CACNA2D3: variants seen among roughly 807,000 people sequenced by gnomAD.
The protein encoded by CACNA2D3 is voltage-dependent calcium channel subunit alpha-2/delta-3.
CACNA2D3 carries 60 observed loss-of-function variants against 160.6 expected under a neutral mutation model. The observed-to-expected ratio is 0.37, with a 90% CI of 0.30 to 0.46. The LOEUF (loss-of-function observed/expected upper bound fraction) is 0.46. Among genes scored for constraint, CACNA2D3 ranks in the 20% least tolerant of loss-of-function variants. The probability of loss-of-function intolerance (pLI) is 1.00; values close to 1 mark genes in which losing one functional copy is unlikely to be tolerated. For synonymous variants in CACNA2D3, 558 were observed against 492.9 expected (o/e 1.13, Z -1.75); for missense variants, 1,205 against 1,365.0 (o/e 0.88, Z 1.85).
In CACNA2D3 at chr3:54,319,140, G is replaced by T. The variant is rs535013169; in HGVS notation, c.205-1302G>T. On this transcript the variant is annotated intron_variant, in intron 2 of 37. Coordinates refer to ENST00000474759, the MANE Select transcript of CACNA2D3 (RefSeq NM_018398.3). ...TTGGACATTTGAGCATTTGAACAAG[G>T]AAGGGAAGCATTTTGTGACACACAC... 4.2e-5 allele frequency among the ~76,000 whole-genome samples: 6 copies of T among 143,512 alleles called. No homozygotes were observed. The South Asian group carries it at 1.3e-3, about 32-fold the overall frequency. The allele number at this position is 143,512 out of a possible 152,430, so 94.1% of individuals were successfully genotyped here. A position where few individuals can be genotyped will look rare whatever the true frequency, so the allele number is the denominator to read the frequency against.
intron 3 of CACNA2D3, among the ~76,000 whole-genome samples, chr3:54,354,997 T>A (rs1357526815): frequency 6.6e-6 from 1 of 152,270 alleles, no homozygotes; most frequent in Admixed American, 6.5e-5. Context: ...TCTGTCCTGT[T>A]TATACATCTG....
At chr3:54,609,278 C>T (rs551801035) in intron 9 of CACNA2D3, among the ~76,000 whole-genome samples, 12 of 152,102 alleles carry the variant, frequency 7.9e-5, no homozygotes, top group Non-Finnish European at 1.5e-4. Context: ...CCAAAACTGC[C>T]GACACCTTCA....
intron 11 of CACNA2D3, among the ~76,000 whole-genome samples, chr3:54,738,140 C>T (rs1478763869): frequency 1.3e-5 from 2 of 152,144 alleles, no homozygotes; most frequent in Admixed American, 6.5e-5. Flanking sequence ...AAGAAGGTTC[C>T]AAATAAGTCA....
chr3:54,348,509 C>G (rs1159605105), intron 3 of CACNA2D3, among the ~76,000 whole-genome samples: 1 of 152,202 alleles, frequency 6.6e-6, no homozygotes, highest in African/African-American at 2.4e-5. Context: ...ATACTATGAA[C>G]TCAGCAGAGA....
At chr3:54,256,043 G>A (rs1358994796) in intron 2 of CACNA2D3, among the ~76,000 whole-genome samples, 4 of 152,220 alleles carry the variant, frequency 2.6e-5, no homozygotes, top group Non-Finnish European at 2.9e-5. Context: ...TAAATTTAGG[G>A]ACAAAAAATA....
Position 54,822,790 on chromosome 3 carries a change from C to CTTTCTTT in CACNA2D3, c.1398+5920_1398+5921insTTTCTTT, listed in dbSNP as rs1491160047. On this transcript the variant is annotated intron_variant, in intron 14 of 37. Coordinates refer to ENST00000474759, the MANE Select transcript of CACNA2D3 (RefSeq NM_018398.3). The stretch of plus-strand genomic sequence containing the variant: ...TCTTTCTTTCTTTCTTTCTTTCTTT[C>CTTTCTTT]CTTTCTTTCTTTCTTTCTTTCTTTC... Among the ~76,000 whole-genome samples the CTTTCTTT allele has an allele frequency of 2.3e-3, 168 of 71,878 alleles. 2 individuals are homozygous for CTTTCTTT. Among genetic ancestry groups the CTTTCTTT allele is most frequent in the East Asian group, 4.2e-3 (9 of 2,154 alleles). The allele number at this position is 71,878 out of a possible 152,430, so 47.2% of individuals were successfully genotyped here.
chr3:54,884,797 A>G (rs1001757718), intron 21 of CACNA2D3, among the ~76,000 whole-genome samples: 1 of 152,206 alleles, frequency 6.6e-6, no homozygotes, highest in African/African-American at 2.4e-5. Context: ...TGTTCAACCT[A>G]TGATTTCACC....
intron 8 of CACNA2D3, among the ~76,000 whole-genome samples, chr3:54,580,400 T>C (rs945291391): frequency 6.6e-6 from 1 of 152,034 alleles, no homozygotes; most frequent in African/African-American, 2.4e-5. Context: ...TCCAGAGGGA[T>C]TTCCCAAACT....
chr3:54,642,581 T>C (rs574374195), intron 11 of CACNA2D3, among the ~76,000 whole-genome samples: 4 of 152,182 alleles, frequency 2.6e-5, no homozygotes, highest in Non-Finnish European at 4.4e-5. Context: ...ATCTATACAA[T>C]GGTGAAATCA....
chr3:54,627,609 G>A (rs1250131747), intron 9 of CACNA2D3, among the ~76,000 whole-genome samples, 178 bp from the exon 10 acceptor site: 1 of 152,200 alleles, frequency 6.6e-6, no homozygotes, highest in African/African-American at 2.4e-5. Context: ...CATGAATATT[G>A]AAGGTAAGTT....
intron 2 of CACNA2D3, among the ~76,000 whole-genome samples, chr3:54,126,862 T>C (rs1476572552): frequency 1.3e-5 from 2 of 152,224 alleles, no homozygotes; most frequent in African/African-American, 4.8e-5. Flanking sequence ...TCCATGCCAG[T>C]CAGTATTCAG....
intron 11 of CACNA2D3, among the ~76,000 whole-genome samples, chr3:54,714,392 C>T (rs1575436601): frequency 6.6e-6 from 1 of 152,124 alleles, no homozygotes; most frequent in South Asian, 2.1e-4. Flanking sequence ...TATCCTTCAG[C>T]GTGAGTTGTC....
At chr3:54,612,688 A>AT (rs1698767850) in intron 9 of CACNA2D3, among the ~76,000 whole-genome samples, 1 of 152,206 alleles carries the variant, frequency 6.6e-6, no homozygotes, top group Non-Finnish European at 1.5e-5. Context: ...CAAAAAGTAG[A>AT]TAAGGTCCAG....
chr3:54,966,008 C>G (rs1462135018), intron 27 of CACNA2D3, among the ~76,000 whole-genome samples: 1 of 152,116 alleles, frequency 6.6e-6, no homozygotes, highest in Non-Finnish European at 1.5e-5. Context: ...CCCCAAGGAG[C>G]TGGGGTAGAG....
intron 16 of CACNA2D3, among the ~76,000 whole-genome samples, chr3:54,845,410 G>GA (rs921910573): frequency 2.0e-5 from 3 of 150,462 alleles, no homozygotes; most frequent in Admixed American, 1.3e-4. Flanking sequence ...TCAGAACTGT[G>GA]AAAAAACTCC....
chr3:54,465,868 G>T (rs1038858580), intron 4 of CACNA2D3, among the ~76,000 whole-genome samples: 1 of 152,150 alleles, frequency 6.6e-6, no homozygotes, highest in South Asian at 2.1e-4. Context: ...CTGAAGGTAA[G>T]GTGCTGGCTG....
intron 11 of CACNA2D3, among the ~76,000 whole-genome samples, chr3:54,669,898 C>T (rs1217734633): frequency 6.6e-6 from 1 of 152,122 alleles, no homozygotes; most frequent in Non-Finnish European, 1.5e-5. Context: ...ATCTACCCTC[C>T]TCAGCCTCCC....
At chr3:54,369,331 G>A (rs1035124243) in intron 3 of CACNA2D3, among the ~76,000 whole-genome samples, 5 of 152,172 alleles carry the variant, frequency 3.3e-5, no homozygotes, top group African/African-American at 7.2e-5. Flanking sequence ...GGTGGGATTC[G>A]CTTTGACAGT....
chr3:54,894,473 TTAAG>T, intron 25 of CACNA2D3: 1 of 444,702 alleles, frequency 2.2e-6, no homozygotes, highest in East Asian at 7.1e-5. Context: ...TGTCACTGCC[TTAAG>T]TGAGGACCAC....
Sources: gnomAD v4.1 joint callset for allele counts (sites outside exome capture counted in the v4.1 genomes callset) on GRCh38, gnomAD v4.1.1 for gene constraint, MANE v1.5 for transcripts, NCBI Gene and HGNC (gene_info 2026-07-23, HGNC 2026-07-21) for gene names.